Variants in ARMH3 observed in about 807,000 individuals in gnomAD.
ARMH3 encodes armadillo-like helical domain-containing protein 3.
In ARMH3, 60 loss-of-function variants were observed where a neutral mutation model predicts 99.1. The ratio of observed to expected loss-of-function variants is 0.61; its 90% confidence interval spans 0.49 to 0.75. The LOEUF (loss-of-function observed/expected upper bound fraction) is 0.75, where lower values mean the gene tolerates loss of function less well. Ranked by LOEUF, ARMH3 falls within the 30% of genes least tolerant of loss-of-function variation. ARMH3 has a pLI of 0.00. For missense variants in ARMH3, 679 were observed against 843.1 expected (o/e 0.81, Z 2.41); for synonymous variants, 285 against 292.8 (o/e 0.97, Z 0.27).
chr10:102,003,000 T>TAAATAAATAAAA lies in ARMH3; in HGVS notation c.1049-929_1049-928insTTTTATTTATTT, dbSNP rs1554887371. ...ATAAATAAATAAATAAATAAATAAA[T>TAAATAAATAAAA]AAAAACAGATGAACATTACTGATTG... is the stretch of plus-strand genomic sequence containing the variant. On this transcript the variant is annotated intron_variant, in intron 14 of 25. Transcript: ENST00000370033. Among the ~76,000 whole-genome samples the TAAATAAATAAAA allele has an allele frequency of 3.6e-5, 5 of 140,466 alleles. No homozygotes were observed. In the South Asian group the frequency reaches 6.6e-4, roughly 18 times the overall value. The allele number at this position is 140,466 out of a possible 152,430, so 92.2% of individuals were successfully genotyped here. A position where few individuals can be genotyped will look rare whatever the true frequency, so the allele number is the denominator to read the frequency against.
intron 24 of ARMH3, among the ~76,000 whole-genome samples, chr10:101,850,464 G>A (rs534811101): frequency 3.1e-4 from 45 of 146,934 alleles, no homozygotes; most frequent in African/African-American, 8.6e-4. Context: ...TCACTCTGTC[G>A]CCCAGGCTGG....
At chr10:101,976,099 G>A (rs1423622064) in intron 19 of ARMH3, among the ~76,000 whole-genome samples, 1 of 147,350 alleles carries the variant, frequency 6.8e-6, no homozygotes, top group East Asian at 2.0e-4. Flanking sequence ...AACCCAGGAG[G>A]TGGAGCTTGC....
chr10:101,943,655 A>G (rs78091118), intron 22 of ARMH3, among the ~76,000 whole-genome samples: 7 of 152,310 alleles, frequency 4.6e-5, no homozygotes, highest in African/African-American at 7.2e-5. Context: ...AAACAAAAAC[A>G]TATGAACCAT....
chr10:101,902,707 G>C (rs2135504610), intron 23 of ARMH3, among the ~76,000 whole-genome samples: 1 of 152,146 alleles, frequency 6.6e-6, no homozygotes, highest in East Asian at 1.9e-4. Context: ...GCGGGAGGTG[G>C]GAAAAGGAGG....
intron 24 of ARMH3, among the ~76,000 whole-genome samples, chr10:101,858,918 C>G (rs1466020013): frequency 6.6e-6 from 1 of 152,138 alleles, no homozygotes; most frequent in East Asian, 1.9e-4. Context: ...GTAACACAGG[C>G]CCAACCAAAA....
chr10:102,011,792 A>G lies in ARMH3; in HGVS notation c.771-9T>C. The G allele has an allele frequency of 6.2e-7, 1 of 1,602,040 alleles. No homozygotes were observed. The highest frequency in any genetic ancestry group is 1.1e-5 in the South Asian group (1 of 89,342). Reference sequence around the variant, plus strand: ...CCTTGTCTTTATACTGCCTAAACAAAAAGAACTAAATTCAACTTTAGGATT... The same window carrying G: ...CCTTGTCTTTATACTGCCTAAACAAGAAGAACTAAATTCAACTTTAGGATT... On this transcript the variant is annotated splice_polypyrimidine_tract_variant and intron_variant, in intron 10 of 25. Coordinates refer to ENST00000370033, the MANE Select transcript of ARMH3 (RefSeq NM_024541.3).
chr10:101,896,913 G>A (rs1206938715), intron 23 of ARMH3, among the ~76,000 whole-genome samples: 1 of 152,316 alleles, frequency 6.6e-6, no homozygotes, highest in South Asian at 2.1e-4. Flanking sequence ...GAGGTGAGAA[G>A]AGTCCAACTC....
At position 102,013,985 on chromosome 10, in the gene ARMH3, C is replaced by A; in HGVS notation, c.709G>T (p.Asp237Tyr). ...PYIVKLSIVD[D>Y]EATLNGMGLV... is the part of the protein sequence containing the mutation. Reference sequence around the variant, plus strand: ...ATACTCACATTGAGTGTGGCCTCATCATCCACGATAGACAGCTTCACAATA... The same window carrying A: ...ATACTCACATTGAGTGTGGCCTCATAATCCACGATAGACAGCTTCACAATA... Residue 237 changes from aspartate to tyrosine, a missense_variant, in exon 9 of 26, where the codon GAT becomes TAT. Around this residue, in one of 3 missense-constraint regions of ARMH3, gnomAD observed 280 missense variants for 354.6 expected, o/e 0.79. Coordinates refer to ENST00000370033, the MANE Select transcript of ARMH3 (RefSeq NM_024541.3). 6.2e-7 allele frequency: 1 copy of A among 1,610,676 alleles called. No homozygotes were observed. The highest frequency in any genetic ancestry group is 8.5e-7 in the Non-Finnish European group (1 of 1,178,048).
intron 23 of ARMH3, among the ~76,000 whole-genome samples, chr10:101,895,946 T>G (rs2067822112): frequency 6.6e-6 from 1 of 152,174 alleles, no homozygotes; most frequent in Admixed American, 6.5e-5. Context: ...AGATACCACT[T>G]CACACCCATT....
intron 8 of ARMH3, among the ~76,000 whole-genome samples, chr10:102,014,578 C>T (rs1191063729): frequency 6.6e-6 from 1 of 152,184 alleles, no homozygotes; most frequent in Non-Finnish European, 1.5e-5. Flanking sequence ...AGCTGCTTAA[C>T]AGCCAGAGAG....
chr10:101,900,561 A>G (rs1351168452), intron 23 of ARMH3, among the ~76,000 whole-genome samples: 1 of 152,206 alleles, frequency 6.6e-6, no homozygotes, highest in African/African-American at 2.4e-5. Context: ...AAAACCTGAA[A>G]TATTTTAATT....
At chr10:101,975,142 C>A in intron 20 of ARMH3, 70 bp downstream of exon 20, 2 of 1,213,622 alleles carry the variant, frequency 1.6e-6, no homozygotes, top group Non-Finnish European at 2.3e-6. Context: ...AAAAAATCCA[C>A]CTTGAGCCCA....
chr10:102,025,699 G>A (rs1004123104), intron 5 of ARMH3, among the ~76,000 whole-genome samples: 1 of 152,084 alleles, frequency 6.6e-6, no homozygotes, highest in Non-Finnish European at 1.5e-5. Flanking sequence ...CAGTCAGGCT[G>A]GAAAGCAGGG....
chr10:102,045,852 T>A (rs1402489296), intron 1 of ARMH3, among the ~76,000 whole-genome samples: 1 of 152,110 alleles, frequency 6.6e-6, no homozygotes, highest in East Asian at 1.9e-4. Flanking sequence ...CCCAGCACTT[T>A]GGGAGGCCGA....
At chr10:101,945,134 A>T (rs1191342089) in intron 22 of ARMH3, among the ~76,000 whole-genome samples, 1 of 152,124 alleles carries the variant, frequency 6.6e-6, no homozygotes, top group Non-Finnish European at 1.5e-5. Context: ...GGAAGTCAAA[A>T]CTTGGAGAAA....
intron 1 of ARMH3, among the ~76,000 whole-genome samples, chr10:102,053,728 CG>C (rs1190656332): frequency 5.3e-5 from 8 of 151,726 alleles, no homozygotes; most frequent in Non-Finnish European, 1.2e-4. Flanking sequence ...GGCACCATCC[CG>C]GCTCACTGCA....
intron 24 of ARMH3, among the ~76,000 whole-genome samples, chr10:101,878,971 G>A (rs1043264384): frequency 2.0e-5 from 3 of 152,116 alleles, no homozygotes; most frequent in African/African-American, 7.2e-5. Flanking sequence ...ACTGTGCCAG[G>A]ATCTTCCACT....
intron 1 of ARMH3, among the ~76,000 whole-genome samples, chr10:102,046,993 A>G (rs182368117): frequency 6.6e-6 from 1 of 152,334 alleles, no homozygotes; most frequent in East Asian, 1.9e-4. Flanking sequence ...TCTGATGTAG[A>G]TACATCTGTC....
intron 20 of ARMH3, among the ~76,000 whole-genome samples, chr10:101,972,948 T>TA (rs1348747291): frequency 6.6e-6 from 1 of 152,186 alleles, no homozygotes; most frequent in East Asian, 1.9e-4. Context: ...CTGAAAGACA[T>TA]AACGTCAACT....
Sources: allele counts gnomAD v4.1 joint callset (sites outside exome capture counted in the v4.1 genomes callset), GRCh38; gene constraint gnomAD v4.1.1; regional missense constraint gnomAD v4.1.1; transcripts MANE v1.5; gene names NCBI Gene and HGNC (gene_info 2026-07-23, HGNC 2026-07-21).